Variants in CHD1L observed in about 807,000 individuals in gnomAD.
CHD1L encodes the protein ATP-dependent chromatin remodeler CHD1L.
Under a neutral mutation model 115.9 loss-of-function variants are expected in CHD1L, and 118 were observed. That is an observed-to-expected ratio of 1.02 (90% confidence interval 0.88 to 1.19). CHD1L has a LOEUF of 1.19. Ranked by LOEUF, CHD1L falls within the 50% of genes most tolerant of loss-of-function variation. The pLI, the probability that CHD1L is intolerant of heterozygous loss-of-function variation, is 0.00. For missense variants in CHD1L, 1,179 were observed against 1,065.3 expected (o/e 1.11, Z -1.49); for synonymous variants, 411 against 387.1 (o/e 1.06, Z -0.72).
intron 8 of CHD1L, 112 bp from the exon 9 acceptor site, chr1:147,267,314 C>T: frequency 1.4e-6 from 1 of 696,982 alleles, no homozygotes; most frequent in Non-Finnish European, 2.4e-6. Context: ...AGTATAGGTT[C>T]AAAGGATATA....
the CHD1L span, among the ~76,000 whole-genome samples, chr1:147,193,676 A>G: frequency 6.6e-6 from 1 of 152,084 alleles, no homozygotes; most frequent in Non-Finnish European, 1.5e-5. Context: ...ACACTGCTTT[A>G]AATGTGTTCC....
chr1:147,290,123 C>T (rs1553969082), intron 19 of CHD1L, among the ~76,000 whole-genome samples: 2 of 152,192 alleles, frequency 1.3e-5, no homozygotes, highest in Non-Finnish European at 1.5e-5. Flanking sequence ...GATGGAGTCT[C>T]ATTGTCTGGA....
intron 16 of CHD1L, among the ~76,000 whole-genome samples, chr1:147,284,906 A>G (rs1421082741): frequency 5.3e-5 from 8 of 152,230 alleles, no homozygotes; most frequent in Admixed American, 4.6e-4. Flanking sequence ...GCTAGCTATC[A>G]CTAAGATAAT....
chr1:147,256,613 C>G, intron 5 of CHD1L, 51 bp downstream of exon 5: 1 of 1,537,332 alleles, frequency 6.5e-7, no homozygotes, highest in Non-Finnish European at 9.0e-7. Context: ...TTATGAATGT[C>G]ATGTCTTTCC....
At chr1:147,225,269 T>G in the CHD1L span, 53 of 1,068,632 alleles carry the variant, frequency 5.0e-5, no homozygotes, top group Admixed American at 3.1e-5. Flanking sequence ...AGTGCTCTGC[T>G]GCGGTACCGG....
At chr1:147,234,375 C>T in the CHD1L span, among the ~76,000 whole-genome samples, 1 of 152,152 alleles carries the variant, frequency 6.6e-6, no homozygotes, top group African/African-American at 2.4e-5. Flanking sequence ...TCTATGCCTG[C>T]TATGTGCTAG....
chr1:147,233,407 G>C, the CHD1L span, among the ~76,000 whole-genome samples: 1 of 135,724 alleles, frequency 7.4e-6, no homozygotes, highest in African/African-American at 2.8e-5. Context: ...CAGCCGCCCC[G>C]TCCGGGAGGG....
the CHD1L span, chr1:147,213,178 G>T: frequency 1.3e-6 from 1 of 776,244 alleles, no homozygotes; most frequent in Non-Finnish European, 1.9e-6. Flanking sequence ...TCCTTCTGGG[G>T]AACAAGAATA....
At chr1:147,255,128 A>T (rs1161781419) in intron 3 of CHD1L, 152 bp downstream of exon 3, 3 of 508,032 alleles carry the variant, frequency 5.9e-6, no homozygotes, top group African/African-American at 5.8e-5. Flanking sequence ...GTAGACACTG[A>T]GGATATAATA....
At chr1:147,197,968 G>C in the CHD1L span, among the ~76,000 whole-genome samples, 1 of 152,180 alleles carries the variant, frequency 6.6e-6, no homozygotes, top group Admixed American at 6.5e-5. Context: ...AAGACAAGGT[G>C]GGAAGGAAGA....
the CHD1L span, among the ~76,000 whole-genome samples, chr1:147,173,990 G>A: frequency 6.6e-6 from 1 of 152,080 alleles, no homozygotes; most frequent in Non-Finnish European, 1.5e-5. Flanking sequence ...GCCAATGATG[G>A]GGAACCCCAA....
At chr1:147,282,176 C>T (rs1681157324) in intron 15 of CHD1L, among the ~76,000 whole-genome samples, 1 of 152,160 alleles carries the variant, frequency 6.6e-6, no homozygotes, top group Non-Finnish European at 1.5e-5. Flanking sequence ...GGGACTTATT[C>T]CTGGTTGGTG....
chr1:147,282,144 G>A (rs1379707164), intron 15 of CHD1L, among the ~76,000 whole-genome samples: 1 of 152,166 alleles, frequency 6.6e-6, no homozygotes, highest in Non-Finnish European at 1.5e-5. Flanking sequence ...CAAAGCTGAG[G>A]GCAGCTCTGG....
At chr1:147,205,237 G>T in the CHD1L span, among the ~76,000 whole-genome samples, 1 of 152,112 alleles carries the variant, frequency 6.6e-6, no homozygotes, top group African/African-American at 2.4e-5. Flanking sequence ...TTAGGTGAAA[G>T]GTTTTTAGGA....
the CHD1L span, among the ~76,000 whole-genome samples, chr1:147,198,625 C>T: frequency 8.6e-5 from 13 of 151,392 alleles, no homozygotes; most frequent in East Asian, 2.2e-3. Flanking sequence ...CTGAGGCAGG[C>T]GGATCACGAG....
At chr1:147,215,652 A>T in the CHD1L span, 1 of 839,132 alleles carries the variant, frequency 1.2e-6, no homozygotes, top group Non-Finnish European at 1.9e-6. Context: ...TACATGTGCA[A>T]ATCAAGCCAA....
At chr1:147,255,249 C>CA (rs1447352465) in intron 3 of CHD1L, among the ~76,000 whole-genome samples, 2 of 152,146 alleles carry the variant, frequency 1.3e-5, no homozygotes, top group African/African-American at 4.8e-5. Context: ...TGTTTTGAGA[C>CA]AGAGTTTTGC....
At chr1:147,273,747 C>G (rs1677190853) in intron 12 of CHD1L, among the ~76,000 whole-genome samples, 1 of 152,214 alleles carries the variant, frequency 6.6e-6, no homozygotes, top group East Asian at 1.9e-4. Flanking sequence ...TTGGAGGACT[C>G]AGAGTAGATC....
chr1:147,188,852 A>T, the CHD1L span, among the ~76,000 whole-genome samples: 1 of 152,026 alleles, frequency 6.6e-6, no homozygotes, highest in Non-Finnish European at 1.5e-5. Flanking sequence ...AAGGAAAGAG[A>T]GGAGGAAAGT....
Sources: allele counts gnomAD v4.1 joint callset (sites outside exome capture counted in the v4.1 genomes callset), GRCh38; gene constraint gnomAD v4.1.1; transcripts MANE v1.5; gene names NCBI Gene and HGNC (gene_info 2026-07-23, HGNC 2026-07-21).